Variants in TRMT5 observed in about 807,000 individuals in gnomAD.
The protein encoded by TRMT5 is tRNA (guanine(37)-N(1))-methyltransferase.
Under a neutral mutation model 42.2 loss-of-function variants are expected in TRMT5, and 31 were observed. The ratio of observed to expected loss-of-function variants is 0.73; its 90% CI spans 0.55 to 0.99. The LOEUF (loss-of-function observed/expected upper bound fraction) is 0.99, where lower values mean the gene tolerates loss of function less well. Among genes scored for constraint, TRMT5 ranks in the 50% least tolerant of loss-of-function variants. TRMT5 has a pLI of 0.00. For synonymous variants in TRMT5, 198 were observed against 209.6 expected (o/e 0.94, Z 0.48); for missense variants, 568 against 595.0 (o/e 0.95, Z 0.47).
Position 60,972,466 on chromosome 14 carries a change from T to TGGCGGCGGCGGC in TRMT5, c.*2631_*2642dup. 6.1e-6 allele frequency: 3 copies of TGGCGGCGGCGGC among 490,284 alleles called. No individual in the cohort carries two copies. Among genetic ancestry groups the TGGCGGCGGCGGC allele is most frequent in the South Asian group, 1.5e-5 (1 of 67,198 alleles). 30.4% of individuals were successfully genotyped at this position (490,284 alleles called of 1,614,324 possible). ...TCCCCTTCAGTCTTTCTCTTGGGCA[T>TGGCGGCGGCGGC]GGCGGCGGCGGCGGCGGCGGGATGT... On this transcript the variant is annotated 3_prime_UTR_variant, in exon 5 of 5. Coordinates refer to ENST00000261249, the MANE Select transcript of TRMT5 (RefSeq NM_020810.3).
rs2036787470 is a variant in TRMT5 at position 60,972,358 on chromosome 14, G to C, written c.*2751C>G. 1 of 544,172 alleles carries C rather than the reference G, an allele frequency of 1.8e-6. No individual in the cohort carries two copies. The highest frequency in any genetic ancestry group is 3.7e-6 in the Non-Finnish European group (1 of 270,256). 33.7% of individuals were successfully genotyped at this position (544,172 alleles called of 1,614,324 possible). On this transcript the variant is annotated 3_prime_UTR_variant, in exon 5 of 5. Coordinates refer to ENST00000261249, the MANE Select transcript of TRMT5 (RefSeq NM_020810.3). ...GGGGCCTTTTTAGGCTTGGGCTCTG[G>C]CTTTGGAGGAGCAGGTTTAGCAGAC... is the stretch of plus-strand genomic sequence containing the variant.
At chr14:60,980,670 T>C (rs1267475464) in intron 1 of TRMT5, among the ~76,000 whole-genome samples, 2 of 152,212 alleles carry the variant, frequency 1.3e-5, no homozygotes, top group Admixed American at 6.5e-5. Context: ...CCCAGAATCC[T>C]GTAAAGCAAC....
intron 1 of TRMT5, 70 bp downstream of exon 1, chr14:60,980,893 G>A: frequency 6.2e-7 from 1 of 1,608,242 alleles, no homozygotes; most frequent in Non-Finnish European, 8.5e-7. Context: ...GCAGCACATG[G>A]CAGAGAGCAG....
At chr14:60,976,272 G>T in intron 3 of TRMT5, 146 bp from the exon 4 acceptor site, 1 of 886,978 alleles carries the variant, frequency 1.1e-6, no homozygotes, top group Non-Finnish European at 1.7e-6. Flanking sequence ...GCATTTAAAG[G>T]CATTTTAATT....
In TRMT5 at chr14:60,972,237, C is replaced by A; in HGVS notation, c.*2872G>T. 1 of 523,380 alleles carries A rather than the reference C, an allele frequency of 1.9e-6. No individual in the cohort carries two copies. The allele number at this position is 523,380 out of a possible 1,614,324, so 32.4% of individuals were successfully genotyped here. The stretch of plus-strand genomic sequence containing the variant: ...ACCAGAAGTACAGTTATAAAAAATG[C>A]ACACACTTCACTTGGGATCTCCAGC... On this transcript the variant is annotated 3_prime_UTR_variant, in exon 5 of 5. Transcript: ENST00000261249.
At position 60,974,338 on chromosome 14, in the gene TRMT5, A is replaced by G. The variant is rs2036815836; in HGVS notation, c.*771T>C. 1 of 152,408 alleles carries G rather than the reference A, an allele frequency of 6.6e-6. No individual in the cohort carries two copies. The highest frequency in any genetic ancestry group is 3.4e-3 in the Middle Eastern group (1 of 294). The allele number at this position is 152,408 out of a possible 1,614,324, so 9.4% of individuals were successfully genotyped here. On this transcript the variant is annotated 3_prime_UTR_variant, in exon 5 of 5. Coordinates refer to ENST00000261249, the MANE Select transcript of TRMT5 (RefSeq NM_020810.3). ...AGAAAGCAGCTGCAGTCCTCACTTC[A>G]GCAGCACATATACTAAAAAACTGGA...
intron 1 of TRMT5, among the ~76,000 whole-genome samples, chr14:60,980,334 A>C (rs1327937596): frequency 6.6e-6 from 1 of 152,166 alleles, no homozygotes; most frequent in Non-Finnish European, 1.5e-5. Context: ...GTACATTATG[A>C]ATCTTGGGAG....
upstream of TRMT5, chr14:60,981,234 G>A (rs2036982886): frequency 3.8e-6 from 6 of 1,568,100 alleles, no homozygotes; most frequent in South Asian, 3.5e-5. Context: ...GCAGGGCAGG[G>A]GTAGAGGCTC....
upstream of TRMT5, chr14:60,981,160 A>C: frequency 6.5e-7 from 1 of 1,539,056 alleles, no homozygotes; most frequent in Non-Finnish European, 8.8e-7. Flanking sequence ...GGCCCTGGTG[A>C]AGTACGGAAT....
chr14:60,972,235 T>C lies in TRMT5; in HGVS notation c.*2874A>G. ...TCACCAGAAGTACAGTTATAAAAAA[T>C]GCACACACTTCACTTGGGATCTCCA... On this transcript the variant is annotated 3_prime_UTR_variant, in exon 5 of 5. Coordinates refer to ENST00000261249, the MANE Select transcript of TRMT5 (RefSeq NM_020810.3). The C allele has an allele frequency of 1.9e-6, 1 of 523,146 alleles. No individual in the cohort carries two copies. The highest frequency in any genetic ancestry group is 1.4e-5 in the South Asian group (1 of 71,978). The allele number at this position is 523,146 out of a possible 1,614,324, so 32.4% of individuals were successfully genotyped here. A position where few individuals can be genotyped will look rare whatever the true frequency, so the allele number is the denominator to read the frequency against.
rs2036810930 is a variant in TRMT5 at position 60,973,880 on chromosome 14, A to T, written c.*1229T>A. 6.6e-6 allele frequency: 1 copy of T among 152,154 alleles called. No individual in the cohort carries two copies. The highest frequency in any genetic ancestry group is 6.5e-5 in the Admixed American group (1 of 15,280). 9.4% of individuals were successfully genotyped at this position (152,154 alleles called of 1,614,324 possible). On this transcript the variant is annotated 3_prime_UTR_variant, in exon 5 of 5. Coordinates refer to ENST00000261249, the MANE Select transcript of TRMT5 (RefSeq NM_020810.3). ...TGGCTAACAAATGATTGACTTAGAG[A>T]CTTACTGTTGTTGCAGCCTCATTTT...
chr14:60,981,278 A>G (rs1408512972), upstream of TRMT5: 5 of 1,601,680 alleles, frequency 3.1e-6, no homozygotes, highest in African/African-American at 5.3e-5. Context: ...GGAGAGCAGC[A>G]TGGAGGCGTC....
Position 60,979,885 on chromosome 14 carries a change from T to G in TRMT5, c.13A>C (p.Ile5Leu). Reference protein sequence around the residue: MVLWILWRPFGFSGR... With the variant: MVLWLLWRPFGFSGR... ...GAGAATCCAAATGGCCTCCATAAGA[T>G]CCTTAAAAAAAAAAAAAAAAAATTC... The change falls in exon 2 of 5, where the codon ATC becomes CTC. Residue 5 changes from isoleucine to leucine, a missense_variant and splice_region_variant. By Grantham distance (5) the Ile-to-Leu change is conservative (BLOSUM62 2). Transcript: ENST00000261249. 1.3e-6 allele frequency: 2 copies of G among 1,494,652 alleles called. No homozygotes were observed. Among genetic ancestry groups the G allele is most frequent in the Non-Finnish European group, 1.8e-6 (2 of 1,132,344 alleles). 92.6% of individuals were successfully genotyped at this position (1,494,652 alleles called of 1,614,324 possible).
chr14:60,980,877 G>C (rs775862257), intron 1 of TRMT5, 86 bp downstream of exon 1: 2 of 1,601,396 alleles, frequency 1.2e-6, no homozygotes, highest in African/African-American at 2.7e-5. Flanking sequence ...ATGTTTCTGT[G>C]CCCAGGCAGC....
upstream of TRMT5, chr14:60,981,289 C>T: frequency 6.2e-7 from 1 of 1,606,298 alleles, no homozygotes; most frequent in Non-Finnish European, 8.5e-7. Flanking sequence ...TGGAGGCGTC[C>T]TGGGGGAGCT....
rs751985559 is a variant in TRMT5, at chr14:60,979,842, A to T, written c.56T>A (p.Leu19Gln). 23 of 1,598,060 alleles carry T rather than the reference A, an allele frequency of 1.4e-5. No homozygotes were observed. Among genetic ancestry groups the T allele is most frequent in the Non-Finnish European group, 2.0e-5 (23 of 1,171,904 alleles). The change falls in exon 2 of 5, where the codon CTG (leucine) becomes CAG (glutamine). Residue 19 changes from leucine to glutamine, a missense_variant. By Grantham distance (113) the Leu-to-Gln change is moderately radical. Coordinates refer to ENST00000261249, the MANE Select transcript of TRMT5 (RefSeq NM_020810.3). ...PFGFSGRFLK[L>Q]ESHSITESKS... ...TGATTCAGTTATGCTATGGCTTTCCAGTTTCAGAAATCTTCCTGAGAATCC... is the reference window on the plus strand; with the variant it reads ...TGATTCAGTTATGCTATGGCTTTCCTGTTTCAGAAATCTTCCTGAGAATCC...
chr14:60,975,180 G>C lies in TRMT5; in HGVS notation c.1459C>G (p.Pro487Ala). Residue 487 changes from proline to alanine, a missense_variant, in exon 5 of 5, where the codon CCA (proline) becomes GCA (alanine). Transcript: ENST00000261249. ...GCCGTCCTCTGCCTTTTAAGAGGTG[G>C]ATCTTCATGATTCTCTGTAATAAAT... is the stretch of plus-strand genomic sequence containing the variant. ...QTRNPENHED[P>A]PLKRQRTAEA... The C allele has an allele frequency of 1.2e-6, 2 of 1,605,582 alleles. No individual in the cohort carries two copies. Among genetic ancestry groups the C allele is most frequent in the Non-Finnish European group, 1.7e-6 (2 of 1,177,234 alleles).
chr14:60,981,321 A>C, upstream of TRMT5: 1 of 1,610,972 alleles, frequency 6.2e-7, no homozygotes, highest in East Asian at 2.2e-5. Context: ...CGGGGCTGGT[A>C]TGTCTCTGTC....
chr14:60,981,352 G>A, upstream of TRMT5: 7 of 1,609,268 alleles, frequency 4.3e-6, no homozygotes, highest in Non-Finnish European at 5.9e-6. Context: ...AAGAAGCGGA[G>A]GCCGAAGAGT....
Sources: gnomAD v4.1 joint callset for allele counts (sites outside exome capture counted in the v4.1 genomes callset) on GRCh38, gnomAD v4.1.1 for gene constraint, MANE v1.5 for transcripts, NCBI Gene and HGNC (gene_info 2026-07-23, HGNC 2026-07-21) for gene names.